PCDH7: variants seen among roughly 807,000 people sequenced by gnomAD.
PCDH7 encodes protocadherin-7.
In PCDH7, 17 loss-of-function variants were observed where a neutral mutation model predicts 58.9. The ratio of observed to expected loss-of-function variants is 0.29; its 90% CI spans 0.20 to 0.43. The LOEUF is 0.43. Ranked by LOEUF, PCDH7 falls within the 20% of genes least tolerant of loss-of-function variation. The probability of loss-of-function intolerance (pLI) is 1.00; values close to 1 mark genes in which losing one functional copy is unlikely to be tolerated. For synonymous variants in PCDH7, 664 were observed against 616.4 expected (o/e 1.08, Z -1.14); for missense variants, 1,274 against 1,441.0 (o/e 0.88, Z 1.88).
intron 3 of PCDH7, among the ~76,000 whole-genome samples, chr4:31,075,741 C>T (rs1010296553): frequency 6.6e-6 from 1 of 152,158 alleles, no homozygotes; most frequent in Non-Finnish European, 1.5e-5. Flanking sequence ...CTATAACCAC[C>T]TTAAATTCAA....
Position 31,087,295 on chromosome 4 carries a change from GTCAT to G in PCDH7, c.*8-55172_*8-55169del, listed in dbSNP as rs1712574002. ...ACACTTGGAATTCATTGTGTTCCCT[GTCAT>G]TCATTATGTTTTATAAAGATAATAG... On this transcript the variant is annotated intron_variant, in intron 3 of 3. Coordinates refer to the PCDH7 transcript ENST00000509759. 3.3e-5 allele frequency among the ~76,000 whole-genome samples: 5 copies of G among 152,102 alleles called. No homozygotes were observed. The South Asian group carries it at 1.0e-3, about 32-fold the overall frequency.
intron 3 of PCDH7, among the ~76,000 whole-genome samples, chr4:31,048,173 A>G (rs1016387904): frequency 2.3e-4 from 35 of 152,176 alleles, no homozygotes; most frequent in African/African-American, 7.0e-4. Flanking sequence ...TGTAAAATAA[A>G]TTTATTATTA....
chr4:30,750,639 C>G (rs1310664136), intron 1 of PCDH7, among the ~76,000 whole-genome samples: 1 of 152,030 alleles, frequency 6.6e-6, no homozygotes, highest in East Asian at 1.9e-4. Flanking sequence ...TAAAACAGTG[C>G]ATTTGTTTTT....
intron 1 of PCDH7, among the ~76,000 whole-genome samples, chr4:30,745,091 G>T (rs554891111): frequency 6.6e-6 from 1 of 152,056 alleles, no homozygotes; most frequent in African/African-American, 2.4e-5. Context: ...AAAACAAGGA[G>T]TTTATATAAA....
At chr4:31,039,929 T>C (rs78676317) in intron 3 of PCDH7, among the ~76,000 whole-genome samples, 1 of 152,116 alleles carries the variant, frequency 6.6e-6, no homozygotes, top group Non-Finnish European at 1.5e-5. Context: ...TGTTCTCCCC[T>C]CATGTAGAAT....
intron 1 of PCDH7, among the ~76,000 whole-genome samples, chr4:30,853,938 A>G (rs1248801683): frequency 1.3e-5 from 2 of 152,044 alleles, no homozygotes; most frequent in African/African-American, 2.4e-5. Context: ...TAAATCAACC[A>G]TGCAGCCCTG....
At chr4:30,952,508 T>G (rs1291536829) in intron 3 of PCDH7, among the ~76,000 whole-genome samples, 1 of 151,300 alleles carries the variant, frequency 6.6e-6, no homozygotes, top group Non-Finnish European at 1.5e-5. Context: ...AGCAAAATAA[T>G]TTTGGAAAGG....
chr4:30,858,203 C>T (rs1178089521), intron 1 of PCDH7, among the ~76,000 whole-genome samples: 2 of 152,120 alleles, frequency 1.3e-5, no homozygotes, highest in Non-Finnish European at 2.9e-5. Context: ...TCTTTTTATA[C>T]TCTTCCCATT....
At chr4:31,071,106 A>C (rs538395710) in intron 3 of PCDH7, among the ~76,000 whole-genome samples, 1 of 152,066 alleles carries the variant, frequency 6.6e-6, no homozygotes, top group Non-Finnish European at 1.5e-5. Flanking sequence ...TGTCAAGTTG[A>C]TAAATGGTCT....
intron 1 of PCDH7, among the ~76,000 whole-genome samples, chr4:30,908,465 G>A (rs1741286834): frequency 1.3e-5 from 2 of 152,068 alleles, no homozygotes; most frequent in African/African-American, 4.8e-5. Context: ...ATGTGGGAAT[G>A]AGGAGTTTAC....
At chr4:30,752,813 G>T (rs1041984310) in intron 1 of PCDH7, among the ~76,000 whole-genome samples, 2 of 132,276 alleles carry the variant, frequency 1.5e-5, no homozygotes, top group Admixed American at 7.5e-5. Flanking sequence ...GAAAGAAAAA[G>T]AAAAAAAAGA....
chr4:30,760,470 T>A (rs1266143740), intron 1 of PCDH7, among the ~76,000 whole-genome samples: 2 of 152,190 alleles, frequency 1.3e-5, no homozygotes, highest in Non-Finnish European at 2.9e-5. Context: ...CCAAAGCTTC[T>A]TAAGCTGATA....
At position 30,723,261 on chromosome 4, in the gene PCDH7, C is replaced by T. The variant is rs1714006314; in HGVS notation, c.1839C>T (p.Asp613=). ...ATGAGTTTAAAGTTAACGCCAAAGA[C>T]AAAGGCATCCCCGTGCTGCAGGGCA... The change falls in exon 1 of 2, where the codon GAC becomes GAT. Residue 613 remains aspartate (D), a synonymous_variant. Transcript: ENST00000361762. The surrounding 1 kb of genome is among the most constrained non-coding windows in gnomAD (Gnocchi z 4.6). The T allele has an allele frequency of 1.2e-6, 2 of 1,614,110 alleles. No homozygotes were observed. Among genetic ancestry groups the T allele is most frequent in the Non-Finnish European group, 1.7e-6 (2 of 1,180,052 alleles).
chr4:30,956,966 G>A (rs1747922126), intron 3 of PCDH7, among the ~76,000 whole-genome samples: 2 of 152,134 alleles, frequency 1.3e-5, no homozygotes, highest in African/African-American at 2.4e-5. Flanking sequence ...GTGGAGGTCG[G>A]CATCCCTTTG....
At chr4:30,852,770 G>C (rs1021751455) in intron 1 of PCDH7, among the ~76,000 whole-genome samples, 17 of 141,464 alleles carry the variant, frequency 1.2e-4, no homozygotes, top group African/African-American at 4.3e-4. Flanking sequence ...TAAGCAATTG[G>C]TAGAAATTGA....
chr4:31,100,470 A>G (rs1714761843), intron 3 of PCDH7, among the ~76,000 whole-genome samples: 1 of 152,188 alleles, frequency 6.6e-6, no homozygotes, highest in Non-Finnish European at 1.5e-5. Flanking sequence ...AAGTTTAAGG[A>G]TGAGGAAAAT....
At chr4:30,900,082 C>G (rs1468296068) in intron 1 of PCDH7, among the ~76,000 whole-genome samples, 1 of 152,030 alleles carries the variant, frequency 6.6e-6, no homozygotes, top group Non-Finnish European at 1.5e-5. Context: ...AACAGTTTCC[C>G]AAGAGATCAC....
intron 3 of PCDH7, among the ~76,000 whole-genome samples, chr4:31,094,346 A>T (rs1450052667): frequency 2.6e-5 from 4 of 152,184 alleles, no homozygotes; most frequent in Non-Finnish European, 5.9e-5. Flanking sequence ...AGATTTTTGC[A>T]TTAAAATGAC....
intron 2 of PCDH7, among the ~76,000 whole-genome samples, chr4:30,921,796 A>G (rs1320515547): frequency 6.6e-6 from 1 of 151,520 alleles, no homozygotes; most frequent in African/African-American, 2.4e-5. Flanking sequence ...TGATGAATAT[A>G]TATTTAAGGC....
Sources: gnomAD v4.1 joint callset for allele counts (sites outside exome capture counted in the v4.1 genomes callset) on GRCh38, gnomAD v4.1.1 for gene constraint, Gnocchi (gnomAD v3.1) non-coding constraint, MANE v1.5 for transcripts, NCBI Gene and HGNC (gene_info 2026-07-23, HGNC 2026-07-21) for gene names.